The following STOX2 variants were observed in gnomAD, a reference collection of about 807,000 sequenced individuals.
STOX2 encodes the protein storkhead-box protein 2.
In STOX2, 28 loss-of-function variants were observed where a neutral mutation model predicts 60.9. That is an observed-to-expected ratio of 0.46 (90% CI 0.34 to 0.63). The LOEUF (loss-of-function observed/expected upper bound fraction) is 0.63, where lower values mean the gene tolerates loss of function less well. Ranked by LOEUF, STOX2 falls within the 30% of genes least tolerant of loss-of-function variation. The pLI is 0.01. For missense variants in STOX2, 1,024 were observed against 1,187.7 expected (o/e 0.86, Z 2.03); for synonymous variants, 472 against 463.9 (o/e 1.02, Z -0.22).
At chr4:183,813,382 CAAAAA>C (rs1407501598) in intron 1 of STOX2, among the ~76,000 whole-genome samples, 2 of 151,394 alleles carry the variant, frequency 1.3e-5, no homozygotes, top group Non-Finnish European at 2.9e-5. Flanking sequence ...GACCCTGTCT[CAAAAA>C]GAAAAAAGAA....
chr4:183,861,799 G>A (rs1740453979), intron 1 of STOX2, among the ~76,000 whole-genome samples: 1 of 152,132 alleles, frequency 6.6e-6, no homozygotes, highest in African/African-American at 2.4e-5. Context: ...TTATCTAAAC[G>A]CTAATATACC....
At chr4:183,985,476 A>G (rs1305636020) in intron 1 of STOX2, among the ~76,000 whole-genome samples, 1 of 152,190 alleles carries the variant, frequency 6.6e-6, no homozygotes, top group Non-Finnish European at 1.5e-5. Context: ...AGCTTCAGGA[A>G]GAGAGTTCCC....
At chr4:183,850,330 T>A (rs995364047) in intron 1 of STOX2, among the ~76,000 whole-genome samples, 5 of 151,834 alleles carry the variant, frequency 3.3e-5, no homozygotes, top group Admixed American at 1.3e-4. Flanking sequence ...AAAAAAAAAA[T>A]TTTGGAGAAT....
Position 183,878,017 on chromosome 4 carries a change from T to C in STOX2, c.364+79962T>C, listed in dbSNP as rs527946025. Among the ~76,000 whole-genome samples, 18 of 152,302 alleles carry C rather than the reference T, an allele frequency of 1.2e-4. No homozygotes were observed. The South Asian group carries it at 3.7e-3, about 32-fold the overall frequency. On this transcript the variant is annotated intron_variant, in intron 1 of 2. Transcript: ENST00000513034. ...TGCCACACTTTCACATAATTTATCCTATTAAGCCCTGACAACAGTATCTTG... is the reference window on the plus strand; with the variant it reads ...TGCCACACTTTCACATAATTTATCCCATTAAGCCCTGACAACAGTATCTTG...
chr4:183,910,351 A>G (rs1560877058), intron 1 of STOX2, among the ~76,000 whole-genome samples: 1 of 152,220 alleles, frequency 6.6e-6, no homozygotes, highest in African/African-American at 2.4e-5. Flanking sequence ...TTAGTACTTT[A>G]TGTATGAAAA....
At chr4:183,943,496 T>A (rs73002631) in intron 1 of STOX2, among the ~76,000 whole-genome samples, 1 of 152,222 alleles carries the variant, frequency 6.6e-6, no homozygotes, top group Non-Finnish European at 1.5e-5. Flanking sequence ...TTCTGCTAAC[T>A]GTTGAATGTA....
intron 3 of STOX2, chr4:184,014,579 A>T (rs921501088): frequency 6.6e-5 from 10 of 151,972 alleles, no homozygotes; most frequent in Admixed American, 6.6e-4. Context: ...TTTAAAAAAA[A>T]AAAACAAAAA....
intron 1 of STOX2, among the ~76,000 whole-genome samples, chr4:183,967,949 C>T (rs763138770): frequency 5.3e-5 from 8 of 152,166 alleles, no homozygotes; most frequent in East Asian, 1.9e-4. Context: ...AGCTGAACAC[C>T]GGATCGGTAC....
Position 183,836,842 on chromosome 4 carries a change from A to G in STOX2, c.364+38787A>G, listed in dbSNP as rs140236679. Among the ~76,000 whole-genome samples, 9 of 152,340 alleles carry G rather than the reference A, an allele frequency of 5.9e-5. No individual in the cohort carries two copies. In the East Asian group the frequency reaches 1.7e-3, roughly 29 times the overall value. On this transcript the variant is annotated intron_variant, in intron 1 of 2. Transcript: ENST00000513034. This position sits in a 1 kb window ranked among gnomAD's most constrained non-coding sequence, Gnocchi z 4.1. Reference sequence around the variant, plus strand: ...TTAGGGACACTAAGATTCATCTGGAATATTTGCTTCTAATTTGACTATACA... The same window carrying G: ...TTAGGGACACTAAGATTCATCTGGAGTATTTGCTTCTAATTTGACTATACA...
At chr4:183,994,999 T>C (rs1408122748) in intron 1 of STOX2, among the ~76,000 whole-genome samples, 1 of 152,248 alleles carries the variant, frequency 6.6e-6, no homozygotes, top group Non-Finnish European at 1.5e-5. Flanking sequence ...GGCTGTTTAC[T>C]GTGATGCAGT....
intron 1 of STOX2, among the ~76,000 whole-genome samples, chr4:183,938,411 G>A (rs1339364930): frequency 6.6e-6 from 1 of 152,172 alleles, no homozygotes; most frequent in African/African-American, 2.4e-5. Flanking sequence ...GCTCACGCTT[G>A]TAATCCCAGC....
At position 183,987,339 on chromosome 4, in the gene STOX2, CTG is replaced by C. The variant is rs147802310; in HGVS notation, c.167-13970_167-13969del. ...GTTTTCTCTGCTGGCATAAATTCCT[CTG>C]TGTGTGTGTGTGTGTCGGTGTGTAA... On this transcript the variant is annotated intron_variant, in intron 1 of 3. Coordinates refer to ENST00000308497, the MANE Select transcript of STOX2 (RefSeq NM_020225.3). Among the ~76,000 whole-genome samples the C allele has an allele frequency of 6.0e-5, 9 of 151,180 alleles. 1 individual carries two copies. The South Asian group carries it at 6.3e-4, about 11-fold the overall frequency.
At chr4:183,854,830 T>C (rs569553825) in intron 1 of STOX2, among the ~76,000 whole-genome samples, 55 of 152,342 alleles carry the variant, frequency 3.6e-4, no homozygotes, top group Middle Eastern at 3.4e-3. Flanking sequence ...CCAACACATA[T>C]GGAAGATTGC....
At chr4:183,913,680 A>G (rs1238406376) in intron 1 of STOX2, among the ~76,000 whole-genome samples, 1 of 152,084 alleles carries the variant, frequency 6.6e-6, no homozygotes, top group Non-Finnish European at 1.5e-5. Flanking sequence ...CTGAGGCAGG[A>G]GAATCTCTTG....
At chr4:183,999,059 CAAAA>C (rs1176152282) in intron 1 of STOX2, among the ~76,000 whole-genome samples, 1 of 151,460 alleles carries the variant, frequency 6.6e-6, no homozygotes, top group Non-Finnish European at 1.5e-5. Flanking sequence ...AGCAAACAAA[CAAAA>C]AAACAAAAAC....
In STOX2 at chr4:184,009,510, C is replaced by T; in HGVS notation, c.672C>T (p.Asp224=). ...GGAAGTCTGCCAAGGACTGCAAAGA[C>T]CCTTACTGTCCCCCTTCTCTGTGCC... is the stretch of plus-strand genomic sequence containing the variant. ...LQRKSAKDCK[D]PYCPPSLCQV... The change falls in exon 3 of 4, where the codon GAC becomes GAT. Residue 224 remains aspartate, a synonymous_variant. Transcript: ENST00000308497. This position sits in a 1 kb window ranked among gnomAD's most constrained non-coding sequence, Gnocchi z 4.0. The T allele has an allele frequency of 1.2e-6, 2 of 1,614,020 alleles. No homozygotes were observed. The highest frequency in any genetic ancestry group is 2.2e-5 in the East Asian group (1 of 44,884).
At chr4:183,936,017 G>A (rs1379246748) in intron 1 of STOX2, among the ~76,000 whole-genome samples, 3 of 152,114 alleles carry the variant, frequency 2.0e-5, no homozygotes, top group Non-Finnish European at 4.4e-5. Context: ...GACATTCGTG[G>A]GAGAAAAAGC....
intron 1 of STOX2, among the ~76,000 whole-genome samples, chr4:183,858,709 G>A (rs1013936598): frequency 3.3e-5 from 5 of 152,136 alleles, no homozygotes; most frequent in East Asian, 1.9e-4. Context: ...ACTTTTTCCC[G>A]TGTATCTATC....
chr4:183,883,045 A>G (rs1402373406), intron 1 of STOX2, among the ~76,000 whole-genome samples: 2 of 152,190 alleles, frequency 1.3e-5, no homozygotes, highest in Non-Finnish European at 2.9e-5. Flanking sequence ...TTTCTAAAAT[A>G]CACAAAAGTA....
Sources: gnomAD v4.1 joint callset for allele counts (sites outside exome capture counted in the v4.1 genomes callset) on GRCh38, gnomAD v4.1.1 for gene constraint, Gnocchi (gnomAD v3.1) non-coding constraint, MANE v1.5 for transcripts, NCBI Gene and HGNC (gene_info 2026-07-23, HGNC 2026-07-21) for gene names.